Variants in ARSB observed in about 807,000 individuals in gnomAD.
ARSB encodes the protein N-acetylgalactosamine-4-sulfatase.
In ARSB, 41 loss-of-function variants were observed where a neutral mutation model predicts 50.9. That is an observed-to-expected ratio of 0.81 (90% CI 0.63 to 1.04). The LOEUF is 1.04. Among genes scored for constraint, ARSB ranks in the 50% least tolerant of loss-of-function variants. The pLI is 0.00. For synonymous variants in ARSB, 269 were observed against 284.8 expected, an observed-to-expected ratio of 0.94 and a Z score of 0.56; for missense variants, 672 against 693.3, an observed-to-expected ratio of 0.97 and a Z score of 0.35.
At chr5:78,975,867 C>T (rs62377894) in intron 1 of ARSB, among the ~76,000 whole-genome samples, 24,618 of 152,048 alleles carry the variant, frequency 0.16, 2,142 homozygotes, top group South Asian at 0.29. Flanking sequence ...GAAGTCAGAC[C>T]TCAGAACCAC....
chr5:78,862,887 A>G (rs1207235437), intron 5 of ARSB, among the ~76,000 whole-genome samples: 1 of 152,232 alleles, frequency 6.6e-6, no homozygotes, highest in African/African-American at 2.4e-5. Flanking sequence ...AGAATCTACA[A>G]AGAACTTAAA....
rs1748002446 is a variant in ARSB, at chr5:78,885,796, ATT to A, written c.928_929del (p.Asn310Ter). 1 of 1,614,020 alleles carries A rather than the reference ATT, an allele frequency of 6.2e-7. No individual in the cohort carries two copies. Among genetic ancestry groups the A allele is most frequent in the Admixed American group, 1.7e-5 (1 of 60,004 alleles). On this transcript the variant is annotated frameshift_variant, in exon 5 of 8. Coordinates refer to ENST00000264914, the MANE Select transcript of ARSB (RefSeq NM_000046.5). LOFTEE classifies it high-confidence loss of function. ...ATTTTCTTCCTCGAAGGGGCCAGTTATTACCCCCTGCCAAAGTCTGCCCTCCG... is the reference window on the plus strand; with the variant it reads ...ATTTTCTTCCTCGAAGGGGCCAGTTAACCCCCTGCCAAAGTCTGCCCTCCG... ...DNGGQTLAGG[N>X]NWPLRGRKWS...
chr5:78,815,997 C>A, intron 6 of ARSB: 1 of 1,557,178 alleles, frequency 6.4e-7, no homozygotes, highest in Non-Finnish European at 8.7e-7. Flanking sequence ...AGGAGCCACC[C>A]GAGGCCTTGA....
At chr5:78,950,228 T>G (rs978960074) in intron 4 of ARSB, among the ~76,000 whole-genome samples, 13 of 152,046 alleles carry the variant, frequency 8.6e-5, no homozygotes, top group Admixed American at 2.0e-4. Flanking sequence ...CAGAACAAGA[T>G]GAAACCCCAT....
chr5:78,942,589 G>T (rs542503143), intron 4 of ARSB, among the ~76,000 whole-genome samples: 3 of 152,156 alleles, frequency 2.0e-5, no homozygotes, highest in South Asian at 2.1e-4. Context: ...GTAGTTGAAT[G>T]GTTTTGAGTG....
chr5:78,789,980 G>A (rs192066177), intron 6 of ARSB, among the ~76,000 whole-genome samples: 219 of 152,268 alleles, frequency 1.4e-3, no homozygotes, highest in Non-Finnish European at 2.8e-3. Context: ...GGCTTGGCAG[G>A]GTGGTGAGGG....
At chr5:78,785,973 AT>A (rs902897307) in intron 6 of ARSB, among the ~76,000 whole-genome samples, 3 of 152,218 alleles carry the variant, frequency 2.0e-5, no homozygotes, top group Non-Finnish European at 4.4e-5. Context: ...ATTTAAATAT[AT>A]TTTTTAAAGA....
intron 3 of ARSB, among the ~76,000 whole-genome samples, chr5:78,962,134 G>C (rs553344785): frequency 7.2e-4 from 110 of 152,202 alleles, no homozygotes; most frequent in Middle Eastern, 3.4e-3. Flanking sequence ...ACTCTCAATA[G>C]CTCTGTGACC....
chr5:78,844,804 T>C (rs1745373320), intron 5 of ARSB, among the ~76,000 whole-genome samples: 1 of 152,158 alleles, frequency 6.6e-6, no homozygotes, highest in African/African-American at 2.4e-5. Context: ...TATTTCAATA[T>C]ATGTGTACAA....
At chr5:78,938,964 C>G (rs1477271014) in intron 4 of ARSB, among the ~76,000 whole-genome samples, 1 of 152,226 alleles carries the variant, frequency 6.6e-6, no homozygotes, top group Non-Finnish European at 1.5e-5. Context: ...CTGGCCTGAG[C>G]ACTGCAGATG....
At chr5:78,893,377 G>T (rs1183886579) in intron 4 of ARSB, among the ~76,000 whole-genome samples, 3 of 152,178 alleles carry the variant, frequency 2.0e-5, no homozygotes, top group Non-Finnish European at 4.4e-5. Context: ...TGCATGCAGG[G>T]AAAGGGCAAA....
chr5:78,923,005 T>C (rs780516127), intron 4 of ARSB, among the ~76,000 whole-genome samples: 1 of 152,178 alleles, frequency 6.6e-6, no homozygotes, highest in African/African-American at 2.4e-5. Context: ...CATGTGACTA[T>C]AAGGAAACGC....
At chr5:78,946,351 G>A (rs1751228631) in intron 4 of ARSB, among the ~76,000 whole-genome samples, 3 of 152,074 alleles carry the variant, frequency 2.0e-5, no homozygotes, top group Non-Finnish European at 2.9e-5. Flanking sequence ...AAAACCTATA[G>A]CCTCCACAAA....
chr5:78,959,335 G>T (rs567175447), intron 3 of ARSB, among the ~76,000 whole-genome samples: 63 of 139,610 alleles, frequency 4.5e-4, no homozygotes, highest in African/African-American at 1.9e-3. Flanking sequence ...CCCAGTCTCA[G>T]GCAGCTTTTT....
chr5:78,777,469 G>T lies in ARSB; in HGVS notation c.*2928C>A, dbSNP rs1043925780. 2 of 152,394 alleles carry T rather than the reference G, an allele frequency of 1.3e-5. No homozygotes were observed. Among genetic ancestry groups the T allele is most frequent in the African/African-American group, 4.8e-5 (2 of 41,374 alleles). The allele number at this position is 152,394 out of a possible 1,614,324, so 9.4% of individuals were successfully genotyped here. A position where few individuals can be genotyped will look rare whatever the true frequency, so the allele number is the denominator to read the frequency against. ...TACATATGGCTGACACATTTTAAAA[G>T]ATTAATTTTATTTTGTCCCCCAAAT... On this transcript the variant is annotated 3_prime_UTR_variant, in exon 8 of 8. Transcript: ENST00000264914.
chr5:78,973,805 A>T (rs1196881311), intron 1 of ARSB, among the ~76,000 whole-genome samples: 1 of 152,206 alleles, frequency 6.6e-6, no homozygotes, highest in Non-Finnish European at 1.5e-5. Context: ...TGTTGAGATA[A>T]TATCCCGTTG....
chr5:78,799,187 C>A (rs1353878697), intron 6 of ARSB, among the ~76,000 whole-genome samples: 4 of 152,208 alleles, frequency 2.6e-5, no homozygotes, highest in Admixed American at 6.5e-5. Context: ...AAGGAGGTGC[C>A]ACCCAGCTCT....
chr5:78,885,392 C>A (rs1171122401), intron 5 of ARSB, 192 bp downstream of exon 5: 1 of 799,184 alleles, frequency 1.3e-6, no homozygotes. Context: ...AAAACACAGG[C>A]CCACAATCTC....
In ARSB at chr5:78,984,882, G is replaced by T. The variant is rs1753085374; in HGVS notation, c.312+55C>A. On this transcript the variant is annotated intron_variant, in intron 1 of 7. Transcript: ENST00000264914. ...CCTCAAGGGCCGGGTAGGAGCGGCAGGGCGCCGGCGAAAGGCGGGGCGGGG... is the reference window on the plus strand; with the variant it reads ...CCTCAAGGGCCGGGTAGGAGCGGCATGGCGCCGGCGAAAGGCGGGGCGGGG... 3 of 1,249,134 alleles carry T rather than the reference G, an allele frequency of 2.4e-6. No individual in the cohort carries two copies. In the Admixed American group the frequency reaches 1.3e-4, roughly 54 times the overall value. 77.4% of individuals were successfully genotyped at this position (1,249,134 alleles called of 1,614,324 possible). A position where few individuals can be genotyped will look rare whatever the true frequency, so the allele number is the denominator to read the frequency against.
Sources: allele counts gnomAD v4.1 joint callset (sites outside exome capture counted in the v4.1 genomes callset), GRCh38; gene constraint gnomAD v4.1.1; transcripts MANE v1.5; gene names NCBI Gene and HGNC (gene_info 2026-07-23, HGNC 2026-07-21).